EARS2: variants seen among roughly 807,000 people sequenced by gnomAD.
EARS2 encodes glutamyl-tRNA synthetase 2, mitochondrial, also known as nondiscriminating glutamyl-tRNA synthetase EARS2, mitochondrial.
A neutral mutation model predicts 54.1 loss-of-function variants in EARS2; 50 were observed. The observed-to-expected ratio is 0.92, with a 90% CI of 0.74 to 1.17. The LOEUF (loss-of-function observed/expected upper bound fraction) is 1.17, where lower values mean the gene tolerates loss of function less well. Ranked by LOEUF, EARS2 falls within the 50% of genes most tolerant of loss-of-function variation. EARS2 has a pLI of 0.00. For synonymous variants in EARS2, 298 were observed against 281.0 expected, an observed-to-expected ratio of 1.06 and a Z score of -0.61; for missense variants, 673 against 675.0, an observed-to-expected ratio of 1.00 and a Z score of 0.03.
rs1965173479 is a variant in EARS2, at chr16:23,523,453, A to C, written c.*918T>G. The C allele has an allele frequency of 6.6e-6, 1 of 152,216 alleles. No individual in the cohort carries two copies. The highest frequency in any genetic ancestry group is 1.5e-5 in the Non-Finnish European group (1 of 68,058). 9.4% of individuals were successfully genotyped at this position (152,216 alleles called of 1,614,324 possible). A position where few individuals can be genotyped will look rare whatever the true frequency, so the allele number is the denominator to read the frequency against. On this transcript the variant is annotated 3_prime_UTR_variant, in exon 9 of 9. Coordinates refer to ENST00000449606, the MANE Select transcript of EARS2 (RefSeq NM_001083614.2). ...GGAACAGATGACGTTTAGGGAAGGGAGACACAGGCTGCCCCAAGGTTCAAG... is the reference window on the plus strand; with the variant it reads ...GGAACAGATGACGTTTAGGGAAGGGCGACACAGGCTGCCCCAAGGTTCAAG...
intron 3 of EARS2, among the ~76,000 whole-genome samples, chr16:23,538,155 C>T (rs1272150100): frequency 1.3e-5 from 2 of 151,176 alleles, no homozygotes; most frequent in African/African-American, 4.9e-5. Flanking sequence ...ACAAAACCTA[C>T]ACTATCCTAG....
chr16:23,556,781 T>C, intron 1 of EARS2: 1 of 425,034 alleles, frequency 2.4e-6, no homozygotes, highest in South Asian at 1.8e-5. Flanking sequence ...CAGTCTCCTA[T>C]CCTGTTTCAC....
At chr16:23,528,884 T>C (rs547989532) in intron 7 of EARS2, among the ~76,000 whole-genome samples, 1 of 152,346 alleles carries the variant, frequency 6.6e-6, no homozygotes, top group East Asian at 1.9e-4. Flanking sequence ...ACATGCGCTG[T>C]CATTTCTTTT....
In EARS2 at chr16:23,552,315, G is replaced by A; in HGVS notation, c.140-11C>T. 3 of 1,613,702 alleles carry A rather than the reference G, an allele frequency of 1.9e-6. No individual in the cohort carries two copies. The highest frequency in any genetic ancestry group is 2.5e-6 in the Non-Finnish European group (3 of 1,179,632). On this transcript the variant is annotated splice_polypyrimidine_tract_variant and intron_variant, in intron 1 of 8. Transcript: ENST00000449606. Reference sequence around the variant, plus strand: ...CCAGGTGCAAGAAGCCTGGAGAAGAGAACAGCTCAGATAAGACAGGGAAGA... The same window carrying A: ...CCAGGTGCAAGAAGCCTGGAGAAGAAAACAGCTCAGATAAGACAGGGAAGA...
intron 3 of EARS2, among the ~76,000 whole-genome samples, chr16:23,540,291 C>T (rs1252794201): frequency 3.3e-5 from 5 of 152,186 alleles, no homozygotes; most frequent in African/African-American, 1.2e-4. Flanking sequence ...CTACTGCACT[C>T]CAGCCTGGGT....
Position 23,532,742 on chromosome 16 carries a change from G to A in EARS2, c.982C>T (p.Pro328Ser), listed in dbSNP as rs1357732034. Reference sequence around the variant, plus strand: ...AGGTTGAACTGTGTGATCAGCTCCGGCAGGGTCCTGCCCATTTGGTTCTCT... The same window carrying A: ...AGGTTGAACTGTGTGATCAGCTCCGACAGGGTCCTGCCCATTTGGTTCTCT... ...FAENQMGRTL[P>S]ELITQFNLTQ... is the part of the protein sequence containing the mutation. The change falls in exon 5 of 9, where the codon CCG becomes TCG. Residue 328 changes from proline to serine, a missense_variant. Pro to Ser is a moderately conservative substitution (Grantham distance 74). Transcript: ENST00000449606. The A allele has an allele frequency of 6.2e-7, 1 of 1,613,714 alleles. No homozygotes were observed. Among genetic ancestry groups the A allele is most frequent in the Non-Finnish European group, 8.5e-7 (1 of 1,179,756 alleles).
In EARS2 at chr16:23,529,767, C is replaced by G. The variant is rs1272359532; in HGVS notation, c.1198G>C (p.Glu400Gln). ...ACCTGTCTCAGCAGGAGGATCCTCT[C>G]CACGTAGACTGGGTTGAGGACATCC... ...NRDVLNPVYV[E>Q]RILLLRQGHI... The change falls in exon 6 of 9, where the codon GAG becomes CAG. Residue 400 changes from glutamate to glutamine, a missense_variant. Glu to Gln is a conservative substitution (Grantham distance 29). Around this residue, in one of 3 missense-constraint regions of EARS2, gnomAD observed 338 missense variants for 361.2 expected, o/e 0.94. Transcript: ENST00000449606. 1 of 1,614,184 alleles carries G rather than the reference C, an allele frequency of 6.2e-7. No homozygotes were observed. Among genetic ancestry groups the G allele is most frequent in the Admixed American group, 1.7e-5 (1 of 60,022 alleles).
chr16:23,556,018 T>C (rs186498809), intron 1 of EARS2, among the ~76,000 whole-genome samples: 16 of 152,250 alleles, frequency 1.1e-4, no homozygotes, highest in African/African-American at 3.6e-4. Flanking sequence ...TTTGTGCAAA[T>C]ATTGATACAC....
In EARS2 at chr16:23,552,265, T is replaced by C; in HGVS notation, c.179A>G (p.Asn60Ser). 6.2e-7 allele frequency: 1 copy of C among 1,614,194 alleles called. No homozygotes were observed. The highest frequency in any genetic ancestry group is 8.5e-7 in the Non-Finnish European group (1 of 1,180,028). The change falls in exon 2 of 9, where the codon AAC (asparagine) becomes AGC (serine). Residue 60 changes from asparagine to serine, a missense_variant. Asn to Ser is a conservative substitution (Grantham distance 46). This residue lies in a region of EARS2 where 316 missense variants were observed against 275.2 expected (regional missense o/e 1.15). Transcript: ENST00000449606. ...HLGGLRTALY[N>S]YIFAKKYQGS... ...CTGGTACTTCTTAGCAAAGATGTAG[T>C]TGTACAAGGCAGTGCGGAGGCCACC...
intron 1 of EARS2, among the ~76,000 whole-genome samples, chr16:23,554,537 A>G (rs1250284526): frequency 6.6e-6 from 1 of 152,186 alleles, no homozygotes; most frequent in Non-Finnish European, 1.5e-5. Context: ...GAGCTCATCT[A>G]CATTTACAAG....
At position 23,535,332 on chromosome 16, in the gene EARS2, G is replaced by C. The variant is rs1000851440; in HGVS notation, c.514C>G (p.Gln172Glu). ...GCCAGCTTCTGGGCCACCTGCTCCT[G>C]GCTCATGTTCCTGCACCGATTGTCA... ...RYDNRCRNMSQEQVAQKLAKD... is the reference protein window; with the variant it reads ...RYDNRCRNMSEEQVAQKLAKD... Residue 172 changes from glutamine (Q) to glutamate (E), a missense_variant, in exon 4 of 9, where the codon CAG becomes GAG. Transcript: ENST00000449606. 1 of 1,600,384 alleles carries C rather than the reference G, an allele frequency of 6.2e-7. No homozygotes were observed. Among genetic ancestry groups the C allele is most frequent in the Non-Finnish European group, 8.5e-7 (1 of 1,179,954 alleles).
intron 4 of EARS2, 63 bp from the exon 5 acceptor site, chr16:23,532,828 C>CT (rs1378159746): frequency 7.4e-5 from 91 of 1,223,604 alleles, no homozygotes; most frequent in Admixed American, 1.4e-4. Context: ...CACTTTATCT[C>CT]TTTTTTTTAA....
chr16:23,553,078 T>C (rs1319228281), intron 1 of EARS2: 3 of 399,412 alleles, frequency 7.5e-6, no homozygotes, highest in Non-Finnish European at 1.5e-5. Flanking sequence ...CAGCGAGCCA[T>C]GATCACGCCT....
rs137973249 is a variant in EARS2, at chr16:23,525,320, T to G, written c.1412A>C (p.Lys471Thr). 2,995 of 1,614,120 alleles carry G rather than the reference T, an allele frequency of 1.9e-3. 49 individuals carry two copies. In the African/African-American group the frequency reaches 0.032, roughly 17 times the overall value. ...GGTGCCTTCCAGACCTTCTGATAGC[T>G]TCTTCAGTTCTCCATTCAGCATATC... ...TQDMLNGELK[K>T]LSEGLEGTKY... is the part of the protein sequence containing the mutation. The change falls in exon 8 of 9, where the codon AAG becomes ACG. Residue 471 changes from lysine to threonine, a missense_variant. Coordinates refer to ENST00000449606, the MANE Select transcript of EARS2 (RefSeq NM_001083614.2).
Position 23,552,172 on chromosome 16 carries a change from A to G in EARS2, c.272T>C (p.Ile91Thr). The change falls in exon 2 of 9, where the codon ATT (isoleucine) becomes ACT (threonine). Residue 91 changes from isoleucine to threonine, a missense_variant. Physicochemically the swap from Ile to Thr is moderately conservative, Grantham distance 89. Transcript: ENST00000449606. ...ACCTGCCCACTCCAGCATGTCCTCA[A>G]TATTCTCCGCTGCCCCAGGCACAAC... ...TRVVPGAAEN[I>T]EDMLEWAGIP... 1 of 1,614,032 alleles carries G rather than the reference A, an allele frequency of 6.2e-7. No individual in the cohort carries two copies. Among genetic ancestry groups the G allele is most frequent in the Non-Finnish European group, 8.5e-7 (1 of 1,179,938 alleles).
chr16:23,537,112 A>C lies in EARS2; in HGVS notation c.486-1752T>G, dbSNP rs575016984. 9 of 256,870 alleles carry C rather than the reference A, an allele frequency of 3.5e-5. No individual in the cohort carries two copies. In the East Asian group the frequency reaches 1.1e-3, roughly 31 times the overall value. 15.9% of individuals were successfully genotyped at this position (256,870 alleles called of 1,614,324 possible). A position where few individuals can be genotyped will look rare whatever the true frequency, so the allele number is the denominator to read the frequency against. ...TCAAGCTCTTCTGGCAGGAATTCTG[A>C]CAGTGAGTTTGACAAAAAGTTAAAG... On this transcript the variant is annotated intron_variant, in intron 3 of 8. Transcript: ENST00000449606.
chr16:23,546,410 A>G (rs1403534157), intron 2 of EARS2: 2 of 455,956 alleles, frequency 4.4e-6, no homozygotes, highest in Non-Finnish European at 8.8e-6. Flanking sequence ...TGGGCAAGTC[A>G]TCTTTCTGGG....
chr16:23,525,420 A>G lies in EARS2; in HGVS notation c.1353-41T>C, dbSNP rs762178523. The G allele has an allele frequency of 9.5e-6, 15 of 1,585,300 alleles. No homozygotes were observed. In the East Asian group the frequency reaches 1.6e-4, roughly 17 times the overall value. On this transcript the variant is annotated intron_variant, in intron 7 of 8. Transcript: ENST00000449606. ...CAGTTTACAGGGCCTGCATGGGCCAATGGCAAGTGGGTGGGAGGAAGGGCT... is the reference window on the plus strand; with the variant it reads ...CAGTTTACAGGGCCTGCATGGGCCAGTGGCAAGTGGGTGGGAGGAAGGGCT...
intron 1 of EARS2, among the ~76,000 whole-genome samples, chr16:23,556,100 C>A (rs1965776424): frequency 6.6e-6 from 1 of 152,202 alleles, no homozygotes; most frequent in Non-Finnish European, 1.5e-5. Flanking sequence ...GGCTATACTG[C>A]CTGCCAGAAA....
Sources: gnomAD v4.1 joint callset for allele counts (sites outside exome capture counted in the v4.1 genomes callset) on GRCh38, gnomAD v4.1.1 for gene constraint, gnomAD v4.1.1 regional missense constraint, MANE v1.5 for transcripts, NCBI Gene and HGNC (gene_info 2026-07-23, HGNC 2026-07-21) for gene names.